FANCI: variants seen among roughly 807,000 people sequenced by gnomAD.
FANCI encodes the protein FA complementation group I, also known as Fanconi anemia group I protein.
In FANCI, 156 loss-of-function variants were observed where a neutral mutation model predicts 176.1. The observed-to-expected ratio is 0.89, with a 90% CI of 0.78 to 1.01. The LOEUF (loss-of-function observed/expected upper bound fraction) is 1.01, where lower values mean the gene tolerates loss of function less well. Among genes scored for constraint, FANCI ranks in the 50% least tolerant of loss-of-function variants. The probability of loss-of-function intolerance (pLI) is 0.00; values close to 1 mark genes in which losing one functional copy is unlikely to be tolerated. For missense variants in FANCI, 1,678 were observed against 1,534.1 expected (o/e 1.09, Z -1.57); for synonymous variants, 613 against 541.7 (o/e 1.13, Z -1.83).
chr15:89,244,173 A>T (rs1459563267), intron 1 of FANCI, 140 bp downstream of exon 1: 1 of 152,936 alleles, frequency 6.5e-6, no homozygotes, highest in African/African-American at 2.4e-5. Context: ...CGTGGAAAGT[A>T]GGCGCGCTCC....
intron 10 of FANCI, among the ~76,000 whole-genome samples, chr15:89,272,195 C>G (rs541145307): frequency 3.3e-5 from 5 of 152,142 alleles, no homozygotes; most frequent in Non-Finnish European, 5.9e-5. Context: ...TTCTTAATGA[C>G]TGATGATAAT....
chr15:89,300,230 T>G, intron 25 of FANCI, 70 bp from the exon 26 acceptor site: 1 of 1,465,236 alleles, frequency 6.8e-7, no homozygotes, highest in Non-Finnish European at 9.4e-7. Flanking sequence ...TTTCAAAAAT[T>G]TTAGCTATTA....
chr15:89,256,219 T>C (rs1212121272), intron 2 of FANCI, among the ~76,000 whole-genome samples: 1 of 152,200 alleles, frequency 6.6e-6, no homozygotes, highest in East Asian at 1.9e-4. Context: ...GAATGTTTGA[T>C]AGCATCTCTT....
intron 24 of FANCI, 100 bp downstream of exon 24, chr15:89,295,194 A>C: frequency 7.5e-7 from 1 of 1,339,464 alleles, no homozygotes; most frequent in Non-Finnish European, 1.0e-6. Flanking sequence ...GAGGTTGGAC[A>C]TATTTTAGGA....
chr15:89,309,747 C>G (rs749884331), intron 34 of FANCI, among the ~76,000 whole-genome samples: 1 of 152,072 alleles, frequency 6.6e-6, no homozygotes, highest in Admixed American at 6.5e-5. Context: ...GCTGAGAGTT[C>G]CAACAGTATG....
intron 13 of FANCI, among the ~76,000 whole-genome samples, chr15:89,277,829 C>G (rs893089589): frequency 6.6e-6 from 1 of 151,964 alleles, no homozygotes; most frequent in Non-Finnish European, 1.5e-5. Context: ...TCCTCTAAGT[C>G]TTCTTGATGT....
At chr15:89,254,815 G>T (rs907574759) in intron 2 of FANCI, among the ~76,000 whole-genome samples, 1 of 152,090 alleles carries the variant, frequency 6.6e-6, no homozygotes, top group Non-Finnish European at 1.5e-5. Flanking sequence ...TGTCTCTAAG[G>T]TAAGTAAAGT....
At chr15:89,269,175 A>C (rs1416055961) in intron 10 of FANCI, among the ~76,000 whole-genome samples, 5 of 152,138 alleles carry the variant, frequency 3.3e-5, no homozygotes, top group Admixed American at 6.6e-5. Context: ...CATTTACCTC[A>C]CTTTTTCTCT....
intron 18 of FANCI, among the ~76,000 whole-genome samples, chr15:89,287,109 G>A (rs1049781951): frequency 3.3e-5 from 5 of 150,832 alleles, no homozygotes; most frequent in African/African-American, 4.9e-5. Context: ...AAGTAGCTGG[G>A]ACTATAGGCT....
intron 27 of FANCI, 80 bp from the exon 28 acceptor site, chr15:89,303,784 G>C: frequency 8.0e-7 from 1 of 1,256,940 alleles, no homozygotes; most frequent in Non-Finnish European, 1.2e-6. Flanking sequence ...ATATGGAAAG[G>C]TCTAGAACTC....
chr15:89,259,871 T>G lies in FANCI; in HGVS notation c.158-842T>G, dbSNP rs572011075. ...TATTCCATTATGTGGATATACAACATTTTTCCATTCATGAGTTGATGAAGA... is the reference window on the plus strand; with the variant it reads ...TATTCCATTATGTGGATATACAACAGTTTTCCATTCATGAGTTGATGAAGA... On this transcript the variant is annotated intron_variant, in intron 3 of 37. Coordinates refer to ENST00000310775, the MANE Select transcript of FANCI (RefSeq NM_001113378.2). 2.6e-5 allele frequency among the ~76,000 whole-genome samples: 4 copies of G among 152,362 alleles called. No individual in the cohort carries two copies. In the East Asian group the frequency reaches 7.7e-4, roughly 29 times the overall value.
chr15:89,255,941 C>T (rs558171752), intron 2 of FANCI, among the ~76,000 whole-genome samples: 1 of 152,286 alleles, frequency 6.6e-6, no homozygotes, highest in African/African-American at 2.4e-5. Flanking sequence ...AATTCTTCTC[C>T]CCTTTATCTC....
intron 12 of FANCI, among the ~76,000 whole-genome samples, chr15:89,274,576 T>C (rs1010019179): frequency 4.6e-5 from 7 of 151,064 alleles, no homozygotes; most frequent in Non-Finnish European, 1.0e-4. Context: ...ATTACAATTC[T>C]CTATTTTCCT....
intron 18 of FANCI, among the ~76,000 whole-genome samples, chr15:89,287,948 A>G (rs1406878469): frequency 3.3e-5 from 5 of 152,230 alleles, no homozygotes; most frequent in African/African-American, 9.7e-5. Flanking sequence ...AACACATACA[A>G]TAATAAAGAG....
intron 35 of FANCI, among the ~76,000 whole-genome samples, chr15:89,314,232 A>G (rs960628802): frequency 3.3e-5 from 5 of 152,208 alleles, no homozygotes; most frequent in African/African-American, 4.8e-5. Flanking sequence ...TTAGGGGGAA[A>G]GATATATAAT....
At position 89,297,968 on chromosome 15, in the gene FANCI, A is replaced by G. The variant is rs138756829; in HGVS notation, c.2637-1832A>G. 4.9e-3 allele frequency among the ~76,000 whole-genome samples: 744 copies of G among 152,304 alleles called. 3 individuals carry two copies. Among genetic ancestry groups the G allele is most frequent in the African/African-American group, 0.017 (713 of 41,550 alleles). Reference sequence around the variant, plus strand: ...TTGGGGAAAAAAAGAGGGATATTACATAATGGTTAAGTGATTCAAAATACT... The same window carrying G: ...TTGGGGAAAAAAAGAGGGATATTACGTAATGGTTAAGTGATTCAAAATACT... On this transcript the variant is annotated intron_variant, in intron 24 of 37. Coordinates refer to ENST00000310775, the MANE Select transcript of FANCI (RefSeq NM_001113378.2).
Position 89,300,345 on chromosome 15 carries a change from G to A in FANCI, c.2849G>A (p.Ser950Asn), listed in dbSNP as rs760327010. 21 of 1,614,062 alleles carry A rather than the reference G, an allele frequency of 1.3e-5. No homozygotes were observed. The highest frequency in any genetic ancestry group is 2.7e-5 in the African/African-American group (2 of 75,048). The change falls in exon 26 of 38, where the codon AGT becomes AAT. Residue 950 changes from serine to asparagine, a missense_variant. Physicochemically the swap from Ser to Asn is conservative, Grantham distance 46. Coordinates refer to ENST00000310775, the MANE Select transcript of FANCI (RefSeq NM_001113378.2). ...GAAGAGAGAGAAGATGCAGATGTCAGTGTCACTCAGAGAACAGCATTCCAG... is the reference window on the plus strand; with the variant it reads ...GAAGAGAGAGAAGATGCAGATGTCAATGTCACTCAGAGAACAGCATTCCAG... ...EGEEREDADV[S>N]VTQRTAFQIR... is the part of the protein sequence containing the mutation.
intron 24 of FANCI, among the ~76,000 whole-genome samples, chr15:89,295,745 T>C (rs1259620656): frequency 3.1e-4 from 34 of 111,420 alleles, no homozygotes; most frequent in Non-Finnish European, 3.1e-4. Context: ...CCCCCCACCT[T>C]TTTTTTTTTG....
At chr15:89,266,874 G>T (rs1306366835) in intron 9 of FANCI, among the ~76,000 whole-genome samples, 1 of 151,000 alleles carries the variant, frequency 6.6e-6, no homozygotes, top group Non-Finnish European at 1.5e-5. Context: ...GCTCACTTTT[G>T]ACCACACTAG....
Sources: gnomAD v4.1 joint callset for allele counts (sites outside exome capture counted in the v4.1 genomes callset) on GRCh38, gnomAD v4.1.1 for gene constraint, MANE v1.5 for transcripts, NCBI Gene and HGNC (gene_info 2026-07-23, HGNC 2026-07-21) for gene names.